The following ANO4 variants were observed in gnomAD, a reference collection of about 807,000 sequenced individuals.
ANO4 encodes the protein anoctamin-4.
Under a neutral mutation model 141.9 loss-of-function variants are expected in ANO4, and 69 were observed. The ratio of observed to expected loss-of-function variants is 0.49; its 90% confidence interval spans 0.40 to 0.59. The LOEUF (loss-of-function observed/expected upper bound fraction) is 0.59. Ranked by LOEUF, ANO4 falls within the 20% of genes least tolerant of loss-of-function variation. The pLI is 0.00. For synonymous variants in ANO4, 350 were observed against 394.3 expected (o/e 0.89, Z 1.33); for missense variants, 894 against 1,162.2 (o/e 0.77, Z 3.36).
intron 1 of ANO4, among the ~76,000 whole-genome samples, chr12:100,825,705 T>G (rs1457316198): frequency 1.3e-5 from 2 of 152,078 alleles, no homozygotes; most frequent in Admixed American, 6.6e-5. Context: ...GAACACTTAA[T>G]TATGGACATT....
intron 1 of ANO4, among the ~76,000 whole-genome samples, chr12:100,810,240 A>G (rs1283903459): frequency 6.6e-6 from 1 of 151,900 alleles, no homozygotes. Context: ...AGCCAGGGAA[A>G]TGGTGTCCAA....
chr12:100,830,426 C>A (rs192886094), intron 1 of ANO4, among the ~76,000 whole-genome samples: 7 of 152,010 alleles, frequency 4.6e-5, no homozygotes, highest in African/African-American at 1.7e-4. Flanking sequence ...AGGCAGTGCT[C>A]GGGAGTCCAT....
intron 13 of ANO4, among the ~76,000 whole-genome samples, chr12:101,047,568 A>G (rs2047682286): frequency 6.6e-6 from 1 of 152,172 alleles, no homozygotes; most frequent in South Asian, 2.1e-4. Context: ...AGGTAGCTAT[A>G]AAGTACCCCC....
At chr12:101,101,828 A>G (rs925758132) in intron 22 of ANO4, among the ~76,000 whole-genome samples, 2 of 152,158 alleles carry the variant, frequency 1.3e-5, no homozygotes, top group African/African-American at 4.8e-5. Flanking sequence ...CACACCTGTA[A>G]TCCTAGCACT....
intron 7 of ANO4, among the ~76,000 whole-genome samples, chr12:100,980,392 T>G (rs1339558589): frequency 6.6e-6 from 1 of 152,210 alleles, no homozygotes; most frequent in Non-Finnish European, 1.5e-5. Flanking sequence ...AACAGACTGA[T>G]TTAGATGATG....
intron 13 of ANO4, 112 bp from the exon 14 acceptor site, chr12:101,048,229 A>G: frequency 7.9e-7 from 1 of 1,262,372 alleles, no homozygotes; most frequent in Non-Finnish European, 1.1e-6. Flanking sequence ...CCCAAAACAA[A>G]GCCTGTAAAA....
intron 9 of ANO4, among the ~76,000 whole-genome samples, chr12:101,028,079 A>G (rs188100971): frequency 6.6e-6 from 1 of 152,284 alleles, no homozygotes. Context: ...CAGCAGCCCT[A>G]CAGAGGAGGG....
At chr12:101,038,517 A>T (rs574514129) in intron 10 of ANO4, 196 of 152,318 alleles carry the variant, frequency 1.3e-3, no homozygotes, top group African/African-American at 4.2e-3. Context: ...CCTGTATTCT[A>T]TGAGAAGTTC....
At chr12:100,868,342 G>C (rs939376744) in intron 1 of ANO4, among the ~76,000 whole-genome samples, 31 of 152,072 alleles carry the variant, frequency 2.0e-4, no homozygotes, top group African/African-American at 7.2e-4. Flanking sequence ...ACTGCATTAG[G>C]TCCCAGCCCA....
chr12:101,093,684 A>G (rs2049866869), intron 17 of ANO4, among the ~76,000 whole-genome samples: 1 of 152,030 alleles, frequency 6.6e-6, no homozygotes, highest in Non-Finnish European at 1.5e-5. Flanking sequence ...CCTCAGAACC[A>G]TCTATTGACC....
intron 3 of ANO4, among the ~76,000 whole-genome samples, chr12:100,750,281 A>G (rs1593266774): frequency 6.7e-6 from 1 of 149,824 alleles, no homozygotes; most frequent in East Asian, 2.0e-4. Flanking sequence ...ACAGGCATGC[A>G]CCAACACACC....
intron 1 of ANO4, among the ~76,000 whole-genome samples, chr12:100,856,416 T>C (rs1375019956): frequency 6.6e-6 from 1 of 152,174 alleles, no homozygotes; most frequent in African/African-American, 2.4e-5. Flanking sequence ...AAAATTTGTT[T>C]AGCATCTGTT....
intron 15 of ANO4, 74 bp from the exon 16 acceptor site, chr12:101,083,604 G>A: frequency 1.3e-6 from 2 of 1,519,032 alleles, no homozygotes. Context: ...TTTATGGTGG[G>A]GTAAAATGAT....
intron 1 of ANO4, among the ~76,000 whole-genome samples, chr12:100,818,299 A>T (rs1362189133): frequency 6.6e-6 from 1 of 151,874 alleles, no homozygotes; most frequent in Admixed American, 6.6e-5. Flanking sequence ...TAAAGATTAG[A>T]CAACTTAAGC....
chr12:100,991,357 A>G (rs1253810180), intron 8 of ANO4, among the ~76,000 whole-genome samples: 1 of 152,124 alleles, frequency 6.6e-6, no homozygotes, highest in Non-Finnish European at 1.5e-5. Flanking sequence ...GAATTATAGC[A>G]TGATATTCCT....
intron 1 of ANO4, among the ~76,000 whole-genome samples, chr12:100,721,654 A>G (rs1424683337): frequency 1.3e-5 from 2 of 152,214 alleles, no homozygotes; most frequent in East Asian, 3.9e-4. Context: ...CCTTACCAGC[A>G]CATACTAACA....
At chr12:100,764,797 T>G (rs1270463624) in intron 3 of ANO4, among the ~76,000 whole-genome samples, 4 of 152,240 alleles carry the variant, frequency 2.6e-5, no homozygotes, top group African/African-American at 9.6e-5. Context: ...TTAAGTATAT[T>G]AGGTCTCCTT....
At chr12:100,866,291 G>T (rs533031648) in intron 1 of ANO4, among the ~76,000 whole-genome samples, 1 of 152,258 alleles carries the variant, frequency 6.6e-6, no homozygotes, top group Admixed American at 6.5e-5. Context: ...GCAGTGGCAG[G>T]GGAATAAAGG....
At chr12:101,121,546 G>A (rs2051093078) in intron 26 of ANO4, among the ~76,000 whole-genome samples, 1 of 152,074 alleles carries the variant, frequency 6.6e-6, no homozygotes, top group African/African-American at 2.4e-5. Flanking sequence ...ATTGACATAT[G>A]AGTACATGTG....
Sources: allele counts gnomAD v4.1 joint callset (sites outside exome capture counted in the v4.1 genomes callset), GRCh38; gene constraint gnomAD v4.1.1; transcripts MANE v1.5; gene names NCBI Gene and HGNC (gene_info 2026-07-23, HGNC 2026-07-21).